Variants in NRG3 observed in about 807,000 individuals in gnomAD.
The protein encoded by NRG3 is pro-neuregulin-3, membrane-bound isoform.
A neutral mutation model predicts 66.9 loss-of-function variants in NRG3; 31 were observed. That is an observed-to-expected ratio of 0.46 (90% CI 0.35 to 0.63). The LOEUF (loss-of-function observed/expected upper bound fraction) is 0.63. NRG3 is among the 20% of genes least tolerant of loss of function. The pLI, the probability that NRG3 is intolerant of heterozygous loss-of-function variation, is 0.00. For missense variants in NRG3, 910 were observed against 878.9 expected, an observed-to-expected ratio of 1.04 and a Z score of -0.45; for synonymous variants, 393 against 359.4, an observed-to-expected ratio of 1.09 and a Z score of -1.06.
chr10:82,307,490 T>G (rs1011898810), intron 1 of NRG3, among the ~76,000 whole-genome samples: 1 of 152,332 alleles, frequency 6.6e-6, no homozygotes, highest in South Asian at 2.1e-4. Flanking sequence ...TAGTATGATA[T>G]TTTCCTTTTT....
At chr10:82,684,243 T>C (rs1300273366) in intron 2 of NRG3, among the ~76,000 whole-genome samples, 1 of 152,204 alleles carries the variant, frequency 6.6e-6, no homozygotes, top group African/African-American at 2.4e-5. Context: ...ACTAAGCAAA[T>C]AAATTAGAAG....
intron 2 of NRG3, among the ~76,000 whole-genome samples, chr10:82,385,460 A>C (rs2085917306): frequency 6.6e-6 from 1 of 152,192 alleles, no homozygotes. Flanking sequence ...TGTGCCATTA[A>C]TATGCAAAGT....
chr10:82,177,074 C>T (rs906234556), intron 1 of NRG3, among the ~76,000 whole-genome samples: 4 of 151,972 alleles, frequency 2.6e-5, no homozygotes, highest in African/African-American at 7.2e-5. Context: ...TTATCTACCT[C>T]TCCGGGTTGT....
At chr10:82,104,614 A>G (rs1313356858) in intron 1 of NRG3, among the ~76,000 whole-genome samples, 5 of 152,240 alleles carry the variant, frequency 3.3e-5, no homozygotes, top group East Asian at 1.9e-4. Flanking sequence ...CATTTAAAAC[A>G]TCAATAAAGA....
intron 3 of NRG3, chr10:82,799,686 A>C (rs2060954186): frequency 6.6e-6 from 1 of 152,106 alleles, no homozygotes; most frequent in Non-Finnish European, 1.5e-5. Flanking sequence ...CCAATGGTGA[A>C]CTCTAGAATC....
intron 2 of NRG3, among the ~76,000 whole-genome samples, chr10:82,606,696 A>C (rs1294647472): frequency 1.3e-5 from 2 of 152,136 alleles, no homozygotes; most frequent in Non-Finnish European, 2.9e-5. Context: ...CAGCTGCTGC[A>C]TAACCCAGAG....
chr10:82,555,698 G>T (rs2132944044), intron 2 of NRG3, among the ~76,000 whole-genome samples: 1 of 152,216 alleles, frequency 6.6e-6, no homozygotes, highest in Middle Eastern at 3.4e-3. Context: ...TTCATAGTTT[G>T]ATTCCTTTCA....
intron 1 of NRG3, among the ~76,000 whole-genome samples, chr10:82,202,287 G>A (rs1319039356): frequency 6.6e-6 from 1 of 152,146 alleles, no homozygotes; most frequent in African/African-American, 2.4e-5. Context: ...TTTTATACAT[G>A]CATTGGAGAT....
intron 2 of NRG3, among the ~76,000 whole-genome samples, chr10:82,688,358 G>A (rs2054670004): frequency 6.6e-6 from 1 of 152,040 alleles, no homozygotes; most frequent in South Asian, 2.1e-4. Flanking sequence ...GTACCTAATC[G>A]ATGTTTGTTA....
At chr10:82,654,874 A>C (rs1380792977) in intron 2 of NRG3, among the ~76,000 whole-genome samples, 1 of 152,078 alleles carries the variant, frequency 6.6e-6, no homozygotes, top group African/African-American at 2.4e-5. Context: ...TTGCCTTTTG[A>C]TATATTTTTA....
chr10:82,537,981 T>C lies in NRG3; in HGVS notation c.953+179113T>C, dbSNP rs182517302. ...CTTGATGTTGGCAGTGTTGTTAATA[T>C]GGCAACACATTCCCTGTTCATTCAT... On this transcript the variant is annotated intron_variant, in intron 2 of 8. Coordinates refer to ENST00000372141, the MANE Select transcript of NRG3 (RefSeq NM_001010848.4). Among the ~76,000 whole-genome samples the C allele has an allele frequency of 1.6e-3, 243 of 152,270 alleles. 1 individual carries two copies. Among genetic ancestry groups the C allele is most frequent in the African/African-American group, 5.3e-3 (222 of 41,562 alleles).
At chr10:82,753,415 A>G (rs2134969220) in intron 3 of NRG3, among the ~76,000 whole-genome samples, 1 of 151,852 alleles carries the variant, frequency 6.6e-6, no homozygotes, top group South Asian at 2.1e-4. Flanking sequence ...ATGACATGAG[A>G]TTGAAGTAGT....
rs374032999 is a variant in NRG3, at chr10:82,811,734, C to T, written c.1028-53677C>T. On this transcript the variant is annotated intron_variant, in intron 3 of 8. Transcript: ENST00000372141. Reference sequence around the variant, plus strand: ...ACATTAATAGGCCCGTATTTCAACACCTGCCTGGACTGAGGCAAGCTCTTC... The same window carrying T: ...ACATTAATAGGCCCGTATTTCAACATCTGCCTGGACTGAGGCAAGCTCTTC... 1.7e-4 allele frequency among the ~76,000 whole-genome samples: 26 copies of T among 152,294 alleles called. 1 individual carries two copies. The highest frequency in any genetic ancestry group is 6.3e-4 in the African/African-American group (26 of 41,566).
rs1431266175 is a variant in NRG3 at position 82,978,938 on chromosome 10, C to A, written c.1413-12C>A. 4 of 1,611,376 alleles carry A rather than the reference C, an allele frequency of 2.5e-6. No homozygotes were observed. The African/African-American group carries it at 5.3e-5, about 22-fold the overall frequency. ...GTTTGTTTGTTTGTCTGTTTTCATTCCACCCCAGCAGGAGTCTATCCTCTT... is the reference window on the plus strand; with the variant it reads ...GTTTGTTTGTTTGTCTGTTTTCATTACACCCCAGCAGGAGTCTATCCTCTT... On this transcript the variant is annotated splice_polypyrimidine_tract_variant and intron_variant, in intron 7 of 8. Coordinates refer to ENST00000372141, the MANE Select transcript of NRG3 (RefSeq NM_001010848.4).
At chr10:82,061,872 A>ATCTCTC (rs1564782372) in intron 1 of NRG3, among the ~76,000 whole-genome samples, 30 of 127,704 alleles carry the variant, frequency 2.3e-4, no homozygotes, top group African/African-American at 7.6e-4. Context: ...CACACACACA[A>ATCTCTC]ACACACACAC....
intron 4 of NRG3, among the ~76,000 whole-genome samples, chr10:82,909,092 C>T (rs372722211): frequency 2.6e-5 from 4 of 152,196 alleles, no homozygotes; most frequent in Admixed American, 6.5e-5. Context: ...CCATGCCTTG[C>T]GTAGAAAGAC....
At chr10:81,963,544 T>G (rs371091229) in intron 1 of NRG3, among the ~76,000 whole-genome samples, 87 of 152,340 alleles carry the variant, frequency 5.7e-4, no homozygotes, top group African/African-American at 1.9e-3. Flanking sequence ...CATACATGTA[T>G]TTTAATTACG....
intron 1 of NRG3, among the ~76,000 whole-genome samples, chr10:82,302,135 T>A (rs556410880): frequency 6.6e-6 from 1 of 152,152 alleles, no homozygotes; most frequent in East Asian, 1.9e-4. Flanking sequence ...AGCAGTTCTG[T>A]TTTTGACTCC....
At chr10:81,931,718 G>C (rs188781326) in intron 1 of NRG3, among the ~76,000 whole-genome samples, 1 of 152,206 alleles carries the variant, frequency 6.6e-6, no homozygotes, top group South Asian at 2.1e-4. Flanking sequence ...GAACCTCATC[G>C]TTCCCCCTTT....
Sources: allele counts gnomAD v4.1 joint callset (sites outside exome capture counted in the v4.1 genomes callset), GRCh38; gene constraint gnomAD v4.1.1; transcripts MANE v1.5; gene names NCBI Gene and HGNC (gene_info 2026-07-23, HGNC 2026-07-21).